SSTR5: variants seen among roughly 807,000 people sequenced by gnomAD.
SSTR5 encodes somatostatin receptor type 5.
SSTR5 carries 1 observed loss-of-function variant against 0.3 expected under a neutral mutation model. The observed-to-expected ratio is 2.98, with a 90% confidence interval of 1.06 to 14.15. The LOEUF is 14.15. Among genes scored for constraint, SSTR5 ranks in the 30% most tolerant of loss-of-function variants. The probability of loss-of-function intolerance (pLI) is 0.12; values close to 1 mark genes in which losing one functional copy is unlikely to be tolerated. For synonymous variants in SSTR5, 256 were observed against 263.1 expected, an observed-to-expected ratio of 0.97 and a Z score of 0.26; for missense variants, 516 against 543.2, an observed-to-expected ratio of 0.95 and a Z score of 0.50.
rs147270634 is a variant in SSTR5 at position 1,074,949 on chromosome 16, G to A, written c.-28+2127G>A. On this transcript the variant is annotated intron_variant, in intron 1 of 1. Coordinates refer to ENST00000689027, the MANE Select transcript of SSTR5 (RefSeq NM_001172560.3). ...TTACCCCAGACCACGCAGCCCGTGT[G>A]GGGAGTGGTCAGGGGCCGGGGTCTC... is the stretch of plus-strand genomic sequence containing the variant. Among the ~76,000 whole-genome samples the A allele has an allele frequency of 8.5e-4, 129 of 152,300 alleles. 1 individual carries two copies. Among genetic ancestry groups the A allele is most frequent in the Middle Eastern group, 6.8e-3 (2 of 294 alleles).
rs1567386780 is a variant in SSTR5 at position 1,079,477 on chromosome 16, C to A, written c.609C>A (p.Ile203=). 1 of 1,610,802 alleles carries A rather than the reference C, an allele frequency of 6.2e-7. No individual in the cohort carries two copies. The highest frequency in any genetic ancestry group is 8.5e-7 in the Non-Finnish European group (1 of 1,178,972). The change falls in exon 2 of 2, where the codon ATC becomes ATA. Residue 203 remains isoleucine (I), a synonymous_variant. Transcript: ENST00000689027. ...PVGLWGAVFI[I]YTAVLGFFAP... Reference sequence around the variant, plus strand: ...GGCTGTGGGGCGCCGTCTTCATCATCTACACGGCCGTGCTGGGCTTCTTCG... The same window carrying A: ...GGCTGTGGGGCGCCGTCTTCATCATATACACGGCCGTGCTGGGCTTCTTCG...
chr16:1,076,435 GTC>G (rs894287878), intron 1 of SSTR5, among the ~76,000 whole-genome samples: 12 of 149,308 alleles, frequency 8.0e-5, no homozygotes, highest in African/African-American at 3.0e-4. Flanking sequence ...AATCCGTCCT[GTC>G]TCTCTGGCTG....
At position 1,079,560 on chromosome 16, in the gene SSTR5, C is replaced by T. The variant is rs760497351; in HGVS notation, c.692C>T (p.Ala231Val). 2.7e-5 allele frequency: 43 copies of T among 1,611,306 alleles called. No homozygotes were observed. Among genetic ancestry groups the T allele is most frequent in the Non-Finnish European group, 3.1e-5 (37 of 1,179,124 alleles). The change falls in exon 2 of 2, where the codon GCG (alanine) becomes GTG (valine). Residue 231 changes from alanine (A) to valine (V), a missense_variant. Coordinates refer to ENST00000689027, the MANE Select transcript of SSTR5 (RefSeq NM_001172560.3). ...CTCATCGTGGTGAAGGTGAGGGCGGCGGGCGTGCGCGTGGGCTGCGTGCGG... is the reference window on the plus strand; with the variant it reads ...CTCATCGTGGTGAAGGTGAGGGCGGTGGGCGTGCGCGTGGGCTGCGTGCGG... ...YLLIVVKVRA[A>V]GVRVGCVRRR...
rs1304318586 is a variant in SSTR5, at chr16:1,080,975, C to T, written c.*1012C>T. Reference sequence around the variant, plus strand: ...GCAGAGGACGGTCATCCAGGCGCAGCGGGGAGCTGCTCCCCAGGCCACAGC... The same window carrying T: ...GCAGAGGACGGTCATCCAGGCGCAGTGGGGAGCTGCTCCCCAGGCCACAGC... On this transcript the variant is annotated 3_prime_UTR_variant, in exon 2 of 2. Coordinates refer to ENST00000689027, the MANE Select transcript of SSTR5 (RefSeq NM_001172560.3). The T allele has an allele frequency of 3.5e-5, 16 of 455,404 alleles. No individual in the cohort carries two copies. Among genetic ancestry groups the T allele is most frequent in the Middle Eastern group, 3.3e-4 (1 of 3,024 alleles). The allele number at this position is 455,404 out of a possible 1,614,324, so 28.2% of individuals were successfully genotyped here.
rs577188951 is a variant in SSTR5 at position 1,079,218 on chromosome 16, C to T, written c.350C>T (p.Thr117Met). The T allele has an allele frequency of 8.6e-4, 1,390 of 1,612,520 alleles. 10 individuals carry two copies. The highest frequency in any genetic ancestry group is 8.1e-3 in the South Asian group (739 of 91,074). The change falls in exon 2 of 2, where the codon ACG becomes ATG. Residue 117 changes from threonine (T) to methionine (M), a missense_variant. Physicochemically the swap from Thr to Met is moderately conservative, Grantham distance 81 (BLOSUM62 -1). Transcript: ENST00000689027. Reference sequence around the variant, plus strand: ...CCCGTCCTGTGCCGCCTGGTCATGACGCTGGACGGCGTCAACCAGTTCACC... The same window carrying T: ...CCCGTCCTGTGCCGCCTGGTCATGATGCTGGACGGCGTCAACCAGTTCACC... ...FGPVLCRLVM[T>M]LDGVNQFTSV...
chr16:1,079,535 C>T lies in SSTR5; in HGVS notation c.667C>T (p.Leu223Phe), dbSNP rs758137628. ...GCTGGTCATCTGCCTGTGCTACCTG[C>T]TCATCGTGGTGAAGGTGAGGGCGGC... The part of the protein sequence containing the change: ...PLLVICLCYL[L>F]IVVKVRAAGV... Residue 223 changes from leucine to phenylalanine, a missense_variant, in exon 2 of 2, where the codon CTC becomes TTC. Coordinates refer to ENST00000689027, the MANE Select transcript of SSTR5 (RefSeq NM_001172560.3). 6.8e-6 allele frequency: 11 copies of T among 1,612,172 alleles called. No individual in the cohort carries two copies. Among genetic ancestry groups the T allele is most frequent in the Non-Finnish European group, 7.6e-6 (9 of 1,179,502 alleles).
chr16:1,074,362 C>T (rs1427721418), intron 1 of SSTR5, among the ~76,000 whole-genome samples: 1 of 152,350 alleles, frequency 6.6e-6, no homozygotes, highest in East Asian at 1.9e-4. Flanking sequence ...GCAGCAGGTT[C>T]CGCAGCCCCT....
intron 1 of SSTR5, among the ~76,000 whole-genome samples, chr16:1,075,580 G>A (rs1486069302): frequency 1.3e-5 from 2 of 151,752 alleles, no homozygotes; most frequent in African/African-American, 2.4e-5. Flanking sequence ...TCCCACCATC[G>A]GTGGCTCCTC....
intron 1 of SSTR5, among the ~76,000 whole-genome samples, chr16:1,074,377 G>A (rs12598001): frequency 0.35 from 53,372 of 152,164 alleles, 10,105 homozygotes; most frequent in East Asian, 0.78. Flanking sequence ...GCCCCTCCAA[G>A]CTGCAGCCGC....
intron 1 of SSTR5, chr16:1,077,861 T>C (rs645913): frequency 0.087 from 12,117 of 138,500 alleles, 652 homozygotes; most frequent in East Asian, 0.11. Context: ...CACCCCTCCC[T>C]CCCCTCCCCC....
chr16:1,080,681 G>C lies in SSTR5; in HGVS notation c.*718G>C, dbSNP rs762650931. 2.0e-5 allele frequency among the ~76,000 whole-genome samples: 3 copies of C among 152,218 alleles called. No homozygotes were observed. The highest frequency in any genetic ancestry group is 2.9e-5 in the Non-Finnish European group (2 of 68,020). ...CGCTGGCCTAGCCAGGGGCGAGGTG[G>C]GGAGGCGGCTGGTGCAGAGGAGAGC... On this transcript the variant is annotated 3_prime_UTR_variant, in exon 2 of 2. Transcript: ENST00000689027.
At chr16:1,075,273 C>A (rs1960170123) in intron 1 of SSTR5, among the ~76,000 whole-genome samples, 1 of 152,166 alleles carries the variant, frequency 6.6e-6, no homozygotes, top group Non-Finnish European at 1.5e-5. Context: ...GGGGACCTGG[C>A]AGCCTGTGGA....
At position 1,081,294 on chromosome 16, in the gene SSTR5, G is replaced by A. The variant is rs1450870748; in HGVS notation, c.*1331G>A. The A allele has an allele frequency of 5.5e-6, 2 of 364,702 alleles. No individual in the cohort carries two copies. The highest frequency in any genetic ancestry group is 1.1e-5 in the Non-Finnish European group (2 of 175,380). 22.6% of individuals were successfully genotyped at this position (364,702 alleles called of 1,614,324 possible). A position where few individuals can be genotyped will look rare whatever the true frequency, so the allele number is the denominator to read the frequency against. ...CCCGTGCTCCCGCCGTCTGCCCAGAGCAGGACCTCAACCTCCTGGAGGGCA... is the reference window on the plus strand; with the variant it reads ...CCCGTGCTCCCGCCGTCTGCCCAGAACAGGACCTCAACCTCCTGGAGGGCA... On this transcript the variant is annotated 3_prime_UTR_variant, in exon 2 of 2. Transcript: ENST00000689027.
At chr16:1,078,775 G>T in intron 1 of SSTR5, 67 bp from the exon 2 acceptor site, 1 of 1,479,216 alleles carries the variant, frequency 6.8e-7, no homozygotes, top group Non-Finnish European at 9.1e-7. Flanking sequence ...GGCCCAGGAG[G>T]AAGGAATGCC....
At position 1,079,560 on chromosome 16, in the gene SSTR5, C is replaced by G. The variant is rs760497351; in HGVS notation, c.692C>G (p.Ala231Gly). The G allele has an allele frequency of 5.0e-6, 8 of 1,611,306 alleles. No individual in the cohort carries two copies. In the African/African-American group the frequency reaches 8.0e-5, roughly 16 times the overall value. The change falls in exon 2 of 2, where the codon GCG (alanine) becomes GGG (glycine). Residue 231 changes from alanine to glycine, a missense_variant. Physicochemically the swap from Ala to Gly is moderately conservative, Grantham distance 60 (BLOSUM62 0). Transcript: ENST00000689027. ...CTCATCGTGGTGAAGGTGAGGGCGG[C>G]GGGCGTGCGCGTGGGCTGCGTGCGG... ...YLLIVVKVRAAGVRVGCVRRR... is the reference protein window; with the variant it reads ...YLLIVVKVRAGGVRVGCVRRR...
In SSTR5 at chr16:1,079,299, C is replaced by G; in HGVS notation, c.431C>G (p.Pro144Arg). 6.2e-7 allele frequency: 1 copy of G among 1,610,606 alleles called. No individual in the cohort carries two copies. The highest frequency in any genetic ancestry group is 1.1e-5 in the South Asian group (1 of 91,048). The part of the protein sequence containing the change: ...SVDRYLAVVH[P>R]LSSARWRRPR... ...GACCGCTACCTGGCAGTGGTGCACC[C>G]GCTGAGCTCGGCCCGCTGGCGCCGC... The change falls in exon 2 of 2, where the codon CCG becomes CGG. Residue 144 changes from proline (P) to arginine (R), a missense_variant. Transcript: ENST00000689027.
In SSTR5 at chr16:1,080,032, A is replaced by G. The variant is rs1299005299; in HGVS notation, c.*69A>G. On this transcript the variant is annotated 3_prime_UTR_variant, in exon 2 of 2. Transcript: ENST00000689027. ...CGGAGGTTGCACTGCGGTGACCCCCACCCATGACCTGCCAGTCAGGATGCT... is the reference window on the plus strand; with the variant it reads ...CGGAGGTTGCACTGCGGTGACCCCCGCCCATGACCTGCCAGTCAGGATGCT... The G allele has an allele frequency of 1.4e-6, 2 of 1,479,964 alleles. No individual in the cohort carries two copies. The highest frequency in any genetic ancestry group is 2.4e-5 in the East Asian group (1 of 40,908). The allele number at this position is 1,479,964 out of a possible 1,614,324, so 91.7% of individuals were successfully genotyped here. A position where few individuals can be genotyped will look rare whatever the true frequency, so the allele number is the denominator to read the frequency against.
chr16:1,077,305 G>A (rs1430186983), intron 1 of SSTR5, among the ~76,000 whole-genome samples: 1 of 152,210 alleles, frequency 6.6e-6, no homozygotes, highest in South Asian at 2.1e-4. Flanking sequence ...CCAGGGAGGG[G>A]CTTGTCCCTG....
chr16:1,080,039 A>G lies in SSTR5; in HGVS notation c.*76A>G. On this transcript the variant is annotated 3_prime_UTR_variant, in exon 2 of 2. Coordinates refer to ENST00000689027, the MANE Select transcript of SSTR5 (RefSeq NM_001172560.3). ...TGCACTGCGGTGACCCCCACCCATGACCTGCCAGTCAGGATGCTCCCCGGC... is the reference window on the plus strand; with the variant it reads ...TGCACTGCGGTGACCCCCACCCATGGCCTGCCAGTCAGGATGCTCCCCGGC... 6.8e-7 allele frequency: 1 copy of G among 1,474,340 alleles called. No individual in the cohort carries two copies. The highest frequency in any genetic ancestry group is 9.0e-7 in the Non-Finnish European group (1 of 1,109,630). The allele number at this position is 1,474,340 out of a possible 1,614,324, so 91.3% of individuals were successfully genotyped here.
Sources: gnomAD v4.1 joint callset for allele counts (sites outside exome capture counted in the v4.1 genomes callset) on GRCh38, gnomAD v4.1.1 for gene constraint, MANE v1.5 for transcripts, NCBI Gene and HGNC (gene_info 2026-07-23, HGNC 2026-07-21) for gene names.